Variants in ATRNL1 observed in about 807,000 individuals in gnomAD.
The protein encoded by ATRNL1 is attractin-like protein 1.
A neutral mutation model predicts 182.7 loss-of-function variants in ATRNL1; 95 were observed. The ratio of observed to expected loss-of-function variants is 0.52; its 90% CI spans 0.44 to 0.62. The LOEUF is 0.62. ATRNL1 is among the 20% of genes least tolerant of loss of function. The pLI, the probability that ATRNL1 is intolerant of heterozygous loss-of-function variation, is 0.00. For synonymous variants in ATRNL1, 576 were observed against 568.3 expected (o/e 1.01, Z -0.19); for missense variants, 1,471 against 1,679.5 (o/e 0.88, Z 2.17).
At chr10:115,122,870 C>T (rs1156861313) in intron 3 of ATRNL1, among the ~76,000 whole-genome samples, 4 of 152,078 alleles carry the variant, frequency 2.6e-5, no homozygotes, top group Non-Finnish European at 5.9e-5. Flanking sequence ...TGGAGCCTTG[C>T]AAATAATTAG....
rs551368737 is a variant in ATRNL1, at chr10:115,791,258, A to G, written c.3904-56619A>G. 1.4e-4 allele frequency among the ~76,000 whole-genome samples: 22 copies of G among 152,210 alleles called. 1 individual carries two copies. The East Asian group carries it at 3.5e-3, about 24-fold the overall frequency. On this transcript the variant is annotated intron_variant, in intron 27 of 28. Transcript: ENST00000355044. ...TCCTCATGCCAACATACTTCTAACC[A>G]CCAACATTTCCTGCCTTATTTTTCT... is the stretch of plus-strand genomic sequence containing the variant.
At chr10:115,096,352 G>A (rs2085010403) in intron 1 of ATRNL1, among the ~76,000 whole-genome samples, 1 of 152,162 alleles carries the variant, frequency 6.6e-6, no homozygotes, top group African/African-American at 2.4e-5. Flanking sequence ...ATGTTAAAGA[G>A]AAGGATTATG....
chr10:115,806,425 G>T (rs1555085656), intron 27 of ATRNL1, among the ~76,000 whole-genome samples: 1 of 152,000 alleles, frequency 6.6e-6, no homozygotes, highest in Non-Finnish European at 1.5e-5. Context: ...CTATTAACTT[G>T]CAATTTCCTG....
At chr10:115,114,484 A>G (rs1844392086) in intron 1 of ATRNL1, among the ~76,000 whole-genome samples, 1 of 152,214 alleles carries the variant, frequency 6.6e-6, no homozygotes, top group South Asian at 2.1e-4. Flanking sequence ...TTTGCAAATC[A>G]TACATCAGAT....
At chr10:115,811,692 G>T (rs1950049831) in intron 27 of ATRNL1, among the ~76,000 whole-genome samples, 1 of 151,886 alleles carries the variant, frequency 6.6e-6, no homozygotes, top group Non-Finnish European at 1.5e-5. Context: ...AAGCTGATAG[G>T]TCTTCTTGAT....
At chr10:115,120,344 T>A in intron 2 of ATRNL1, 76 bp downstream of exon 2, 2 of 750,728 alleles carry the variant, frequency 2.7e-6, no homozygotes, top group Admixed American at 5.6e-5. Context: ...TGTCAGAGCA[T>A]TAGAGTATAA....
At chr10:115,885,315 T>C (rs935564507) in intron 28 of ATRNL1, among the ~76,000 whole-genome samples, 53 of 152,306 alleles carry the variant, frequency 3.5e-4, no homozygotes, top group African/African-American at 1.2e-3. Flanking sequence ...GGTGGGAAGA[T>C]GATAGTACTG....
Position 115,266,888 on chromosome 10 carries a change from G to A in ATRNL1, c.1864G>A (p.Glu622Lys), listed in dbSNP as rs2133884163. ...PPNCKAFRDE[E>K]LCKNAGPGIK... ...AAATTGCAAGGCTTTCAGAGATGAA[G>A]AACTTTGTAAAAATGCTGGTCCAGG... The change falls in exon 12 of 29, where the codon GAA (glutamate) becomes AAA (lysine). Residue 622 changes from glutamate (E) to lysine (K), a missense_variant. Coordinates refer to ENST00000355044, the MANE Select transcript of ATRNL1 (RefSeq NM_207303.4). The A allele has an allele frequency of 1.2e-6, 2 of 1,612,396 alleles. No homozygotes were observed. Among genetic ancestry groups the A allele is most frequent in the Non-Finnish European group, 1.7e-6 (2 of 1,178,866 alleles).
chr10:115,740,595 T>TCC (rs1360589055), intron 27 of ATRNL1, among the ~76,000 whole-genome samples: 5 of 152,228 alleles, frequency 3.3e-5, no homozygotes, highest in African/African-American at 9.6e-5. Context: ...AACCTCCACC[T>TCC]CCCGGGTTCA....
rs547265223 is a variant in ATRNL1 at position 115,375,269 on chromosome 10, G to GT, written c.3176-19386dup. 2.5e-3 allele frequency among the ~76,000 whole-genome samples: 372 copies of GT among 151,784 alleles called. 2 individuals carry two copies. The highest frequency in any genetic ancestry group is 8.6e-3 in the African/African-American group (356 of 41,470). ...CTACTGATACATTAGATTAAGGTCT[G>GT]TTTTGTCTGATATAGCCACCCCTGA... On this transcript the variant is annotated intron_variant, in intron 19 of 28. Transcript: ENST00000355044.
intron 6 of ATRNL1, among the ~76,000 whole-genome samples, chr10:115,163,636 G>T (rs1470721971): frequency 6.6e-6 from 1 of 152,090 alleles, no homozygotes; most frequent in Non-Finnish European, 1.5e-5. Context: ...AAAGTGCTGG[G>T]ATTTCAGGTG....
At chr10:115,199,543 A>T (rs191976129) in intron 8 of ATRNL1, among the ~76,000 whole-genome samples, 2 of 152,190 alleles carry the variant, frequency 1.3e-5, no homozygotes, top group Non-Finnish European at 2.9e-5. Context: ...CAGCCTGGCG[A>T]CAGAGCAAGA....
intron 9 of ATRNL1, among the ~76,000 whole-genome samples, chr10:115,216,762 C>G (rs1247256787): frequency 6.6e-6 from 1 of 151,816 alleles, no homozygotes; most frequent in East Asian, 1.9e-4. Flanking sequence ...AGGAAATACA[C>G]AGGTTTCCAT....
At chr10:115,640,669 A>G (rs782006893) in intron 26 of ATRNL1, among the ~76,000 whole-genome samples, 4 of 152,128 alleles carry the variant, frequency 2.6e-5, no homozygotes, top group Non-Finnish European at 5.9e-5. Context: ...GATTCTGGAT[A>G]TTAGCTTTTT....
chr10:115,678,967 G>A (rs1278532410), intron 26 of ATRNL1, among the ~76,000 whole-genome samples: 1 of 152,070 alleles, frequency 6.6e-6, no homozygotes, highest in Non-Finnish European at 1.5e-5. Flanking sequence ...GTTAAACAGT[G>A]TAAACCCTCC....
chr10:115,139,959 A>T lies in ATRNL1; in HGVS notation c.829+10424A>T, dbSNP rs370943295. ...TAAACTATTGTTGGAAAGAGGCCAG[A>T]TACAAATAAAGGCTAGCCTACAGCA... On this transcript the variant is annotated intron_variant, in intron 5 of 28. Coordinates refer to ENST00000355044, the MANE Select transcript of ATRNL1 (RefSeq NM_207303.4). Among the ~76,000 whole-genome samples the T allele has an allele frequency of 4.1e-4, 62 of 152,342 alleles. 1 individual carries two copies. In the East Asian group the frequency reaches 8.9e-3, roughly 22 times the overall value.
chr10:115,317,430 A>G (rs1592437156), intron 18 of ATRNL1, among the ~76,000 whole-genome samples: 1 of 152,206 alleles, frequency 6.6e-6, no homozygotes, highest in South Asian at 2.1e-4. Context: ...TCTGTGAAGA[A>G]TGTCAATTGT....
At chr10:115,223,256 G>A (rs1554897886) in intron 9 of ATRNL1, among the ~76,000 whole-genome samples, 1 of 152,148 alleles carries the variant, frequency 6.6e-6, no homozygotes, top group African/African-American at 2.4e-5. Flanking sequence ...ACTCCAGCCT[G>A]GACGACAGAG....
Position 115,171,268 on chromosome 10 carries a change from A to G in ATRNL1, c.1324A>G (p.Ser442Gly). The G allele has an allele frequency of 1.9e-6, 3 of 1,603,764 alleles. No individual in the cohort carries two copies. The highest frequency in any genetic ancestry group is 2.6e-6 in the Non-Finnish European group (3 of 1,172,842). Residue 442 changes from serine to glycine, a missense_variant, in exon 8 of 29, where the codon AGC becomes GGC. Physicochemically the swap from Ser to Gly is moderately conservative, Grantham distance 56 (BLOSUM62 0). Transcript: ENST00000355044. Reference protein sequence around the residue: ...FGYSAIYGYTSSIQEYHISSN... With the variant: ...FGYSAIYGYTGSIQEYHISSN... ...ATATTCTGCAATATATGGTTATACA[A>G]GCAGCATACAGGAATACCATATCTG...
Sources: allele counts gnomAD v4.1 joint callset (sites outside exome capture counted in the v4.1 genomes callset), GRCh38; gene constraint gnomAD v4.1.1; transcripts MANE v1.5; gene names NCBI Gene and HGNC (gene_info 2026-07-23, HGNC 2026-07-21).